Variants in RCHY1 observed in about 807,000 individuals in gnomAD.
RCHY1 encodes RING finger and CHY zinc finger domain-containing protein 1.
RCHY1 carries 21 observed loss-of-function variants against 41.6 expected under a neutral mutation model. That is an observed-to-expected ratio of 0.51 (90% CI 0.36 to 0.73). RCHY1 has a LOEUF of 0.73. Ranked by LOEUF, RCHY1 falls within the 30% of genes least tolerant of loss-of-function variation. The pLI, the probability that RCHY1 is intolerant of heterozygous loss-of-function variation, is 0.00. For missense variants in RCHY1, 265 were observed against 325.3 expected (o/e 0.81, Z 1.43); for synonymous variants, 79 against 102.9 (o/e 0.77, Z 1.41).
intron 3 of RCHY1, among the ~76,000 whole-genome samples, chr4:75,499,974 C>A (rs1196763459): frequency 6.6e-6 from 1 of 152,122 alleles, no homozygotes; most frequent in African/African-American, 2.4e-5. Flanking sequence ...CAAGGGGAAA[C>A]CCCAACTCCA....
chr4:75,507,510 T>C (rs1308045680), intron 3 of RCHY1, among the ~76,000 whole-genome samples: 1 of 152,004 alleles, frequency 6.6e-6, no homozygotes, highest in Non-Finnish European at 1.5e-5. Context: ...CCTAACTACC[T>C]TAATAAAAAA....
rs1167280268 is a variant in RCHY1 at position 75,502,539 on chromosome 4, CA to C, written c.326+6280del. Among the ~76,000 whole-genome samples the C allele has an allele frequency of 1.3e-4, 20 of 148,762 alleles. No individual in the cohort carries two copies. In the South Asian group the frequency reaches 4.1e-3, roughly 30 times the overall value. ...TGGGCGCCAGAGTGAGACTCCGTCT[CA>C]AAAAAAAAGAGAAAAGAAATCTTCT... On this transcript the variant is annotated intron_variant, in intron 3 of 8. Transcript: ENST00000324439.
chr4:75,499,919 GAATT>G (rs958854201), intron 3 of RCHY1, among the ~76,000 whole-genome samples: 1 of 152,184 alleles, frequency 6.6e-6, no homozygotes, highest in Non-Finnish European at 1.5e-5. Context: ...AGCTAAAAGA[GAATT>G]AATTCAAATG....
At chr4:75,510,937 C>T (rs895779905) in intron 1 of RCHY1, among the ~76,000 whole-genome samples, 1 of 152,102 alleles carries the variant, frequency 6.6e-6, no homozygotes, top group African/African-American at 2.4e-5. Flanking sequence ...CAAATATGTA[C>T]ACTGGAAAAG....
At chr4:75,514,656 T>G (rs1388092204), upstream of RCHY1, 2 of 188,956 alleles carry the variant, frequency 1.1e-5, no homozygotes, top group Non-Finnish European at 2.2e-5. Flanking sequence ...ACTGGGCGCA[T>G]CGTTACCTGT....
rs772426947 is a variant in RCHY1 at position 75,490,700 on chromosome 4, C to T, written c.538G>A (p.Gly180Ser). The change falls in exon 8 of 9, where the codon GGC becomes AGC. Residue 180 changes from glycine to serine, a missense_variant and splice_region_variant. Coordinates refer to ENST00000324439, the MANE Select transcript of RCHY1 (RefSeq NM_015436.4). ...RTCYEEMLKEGYRCPLCMHSA... is the reference protein window; with the variant it reads ...RTCYEEMLKESYRCPLCMHSA... ...TGCATACATAATGGACATCTGTAGC[C>T]TCTGAAAGAGATAGAAAGGTTATTT... 2 of 1,599,130 alleles carry T rather than the reference C, an allele frequency of 1.3e-6. No homozygotes were observed. Among genetic ancestry groups the T allele is most frequent in the Non-Finnish European group, 1.7e-6 (2 of 1,171,448 alleles).
chr4:75,482,392 G>T lies in RCHY1; in HGVS notation c.*146C>A. 1.7e-6 allele frequency: 1 copy of T among 591,408 alleles called. No individual in the cohort carries two copies. Among genetic ancestry groups the T allele is most frequent in the Non-Finnish European group, 2.7e-6 (1 of 376,824 alleles). 36.6% of individuals were successfully genotyped at this position (591,408 alleles called of 1,614,324 possible). A position where few individuals can be genotyped will look rare whatever the true frequency, so the allele number is the denominator to read the frequency against. On this transcript the variant is annotated 3_prime_UTR_variant, in exon 9 of 9. Transcript: ENST00000324439. ...CTATCAAGAGACCCTGAATCCTTACGTACTTGTAATATGATTTTATGCTGT... is the reference window on the plus strand; with the variant it reads ...CTATCAAGAGACCCTGAATCCTTACTTACTTGTAATATGATTTTATGCTGT...
At chr4:75,489,151 T>C (rs1722515903) in intron 8 of RCHY1, among the ~76,000 whole-genome samples, 1 of 152,166 alleles carries the variant, frequency 6.6e-6, no homozygotes, top group African/African-American at 2.4e-5. Context: ...TTTACATGTA[T>C]ATATAAAATT....
chr4:75,505,139 A>C (rs1157830444), intron 3 of RCHY1, among the ~76,000 whole-genome samples: 1 of 152,192 alleles, frequency 6.6e-6, no homozygotes, highest in Admixed American at 6.5e-5. Flanking sequence ...TCTCATAAGG[A>C]GTACACAACC....
chr4:75,485,273 C>G (rs976535499), intron 8 of RCHY1, among the ~76,000 whole-genome samples: 3 of 152,130 alleles, frequency 2.0e-5, no homozygotes, highest in Admixed American at 6.5e-5. Flanking sequence ...TTAGTGGGCT[C>G]CACCCTGAAC....
rs1188952110 is a variant in RCHY1, at chr4:75,491,605, A to G, written c.536+6T>C. Reference sequence around the variant, plus strand: ...TACAATTATTTTTAAAATCCCAAACACTCACTCTTTCAACATTTCTTCATA... The same window carrying G: ...TACAATTATTTTTAAAATCCCAAACGCTCACTCTTTCAACATTTCTTCATA... On this transcript the variant is annotated splice_donor_region_variant and intron_variant, in intron 7 of 8. Transcript: ENST00000324439. The G allele has an allele frequency of 7.5e-6, 12 of 1,600,544 alleles. No individual in the cohort carries two copies. The highest frequency in any genetic ancestry group is 1.0e-5 in the Non-Finnish European group (12 of 1,169,006).
rs1560506044 is a variant in RCHY1 at position 75,480,446 on chromosome 4, T to C, written c.*2092A>G. 6.6e-6 allele frequency: 1 copy of C among 152,166 alleles called. No homozygotes were observed. Among genetic ancestry groups the C allele is most frequent in the Non-Finnish European group, 1.5e-5 (1 of 68,032 alleles). The allele number at this position is 152,166 out of a possible 1,614,324, so 9.4% of individuals were successfully genotyped here. ...AAGTGGGTTTGGAGTCAAACTTGGATCTGATTCCCAACTCCAACATATAGT... is the reference window on the plus strand; with the variant it reads ...AAGTGGGTTTGGAGTCAAACTTGGACCTGATTCCCAACTCCAACATATAGT... On this transcript the variant is annotated 3_prime_UTR_variant, in exon 9 of 9. Transcript: ENST00000324439.
chr4:75,491,650 A>G lies in RCHY1; in HGVS notation c.510-13T>C, dbSNP rs1187610248. ...TTCATAACACGTTCTGAAAGAAAAT[A>G]TAAGATTATTTTAGTAAAACAAAAA... is the stretch of plus-strand genomic sequence containing the variant. On this transcript the variant is annotated splice_polypyrimidine_tract_variant and intron_variant, in intron 6 of 8. Coordinates refer to ENST00000324439, the MANE Select transcript of RCHY1 (RefSeq NM_015436.4). 2 of 1,600,732 alleles carry G rather than the reference A, an allele frequency of 1.2e-6. No individual in the cohort carries two copies. The highest frequency in any genetic ancestry group is 1.7e-5 in the Admixed American group (1 of 59,738).
At chr4:75,491,486 C>T (rs568127562) in intron 7 of RCHY1, 125 bp downstream of exon 7, 178 of 771,460 alleles carry the variant, frequency 2.3e-4, no homozygotes, top group Middle Eastern at 1.2e-3. Flanking sequence ...TCTACCCTAC[C>T]CATTTCAATA....
chr4:75,484,047 C>G (rs574914908), intron 8 of RCHY1, among the ~76,000 whole-genome samples: 1 of 152,320 alleles, frequency 6.6e-6, no homozygotes, highest in Admixed American at 6.5e-5. Flanking sequence ...TCAAGACCCT[C>G]TGAATCTATT....
intron 8 of RCHY1, among the ~76,000 whole-genome samples, chr4:75,488,263 T>A (rs1165874450): frequency 7.7e-6 from 1 of 129,304 alleles, no homozygotes; most frequent in African/African-American, 2.5e-5. Context: ...CAAATTTCCT[T>A]GTCAATCATG....
intron 3 of RCHY1, among the ~76,000 whole-genome samples, chr4:75,508,031 A>G (rs1166218167): frequency 6.6e-6 from 1 of 152,104 alleles, no homozygotes. Context: ...TCATTTGCTT[A>G]TAATTTCTGT....
At chr4:75,504,202 T>C (rs528360524) in intron 3 of RCHY1, among the ~76,000 whole-genome samples, 1 of 152,308 alleles carries the variant, frequency 6.6e-6, no homozygotes, top group Admixed American at 6.5e-5. Context: ...TAAAATCTAG[T>C]ATCAGTTATT....
chr4:75,485,346 T>C (rs1211148416), intron 8 of RCHY1, among the ~76,000 whole-genome samples: 1 of 152,256 alleles, frequency 6.6e-6, no homozygotes, highest in African/African-American at 2.4e-5. Flanking sequence ...AACTAAAGTA[T>C]ACCTTTCTGG....
Sources: allele counts gnomAD v4.1 joint callset (sites outside exome capture counted in the v4.1 genomes callset), GRCh38; gene constraint gnomAD v4.1.1; transcripts MANE v1.5; gene names NCBI Gene and HGNC (gene_info 2026-07-23, HGNC 2026-07-21).